The following PPFIA2 variants were observed in gnomAD, a reference collection of about 807,000 sequenced individuals.
PPFIA2 encodes the protein PPFI scaffold protein A2.
Under a neutral mutation model 175.5 loss-of-function variants are expected in PPFIA2, and 46 were observed. The observed-to-expected ratio is 0.26, with a 90% CI of 0.21 to 0.34. PPFIA2 has a LOEUF of 0.34. PPFIA2 is among the 10% of genes least tolerant of loss of function. PPFIA2 has a pLI of 1.00. For missense variants in PPFIA2, 1,179 were observed against 1,506.1 expected (o/e 0.78, Z 3.60); for synonymous variants, 568 against 511.4 (o/e 1.11, Z -1.49).
chr12:81,451,982 CT>C (rs1308353641), intron 5 of PPFIA2, among the ~76,000 whole-genome samples: 1 of 152,194 alleles, frequency 6.6e-6, no homozygotes, highest in East Asian at 1.9e-4. Flanking sequence ...ATGGAACTCT[CT>C]TTGGTATACT....
intron 4 of PPFIA2, among the ~76,000 whole-genome samples, chr12:81,507,547 T>C (rs2061312619): frequency 6.6e-6 from 1 of 152,190 alleles, no homozygotes; most frequent in Non-Finnish European, 1.5e-5. Context: ...AACTCTCAAT[T>C]AGCTCCTCTC....
At chr12:81,584,644 T>G (rs918051756) in intron 4 of PPFIA2, among the ~76,000 whole-genome samples, 2 of 150,770 alleles carry the variant, frequency 1.3e-5, no homozygotes, top group Admixed American at 1.3e-4. Context: ...CATAGCTTAC[T>G]GCTCCTAGGC....
chr12:81,518,831 T>G (rs934878918), intron 4 of PPFIA2, among the ~76,000 whole-genome samples: 3 of 152,198 alleles, frequency 2.0e-5, no homozygotes, highest in African/African-American at 7.2e-5. Context: ...AAGAGCTCAA[T>G]AAATATTTAC....
rs567077797 is a variant in PPFIA2 at position 81,570,861 on chromosome 12, G to A, written c.303+105930C>T. On this transcript the variant is annotated intron_variant, in intron 4 of 32. Coordinates refer to ENST00000549396, the MANE Select transcript of PPFIA2 (RefSeq NM_003625.5). ...TCATCCCATCATAGAAAGCCGGTTC[G>A]AAACTAACTGAAGATATGATCTCTT... 7.9e-5 allele frequency among the ~76,000 whole-genome samples: 12 copies of A among 151,778 alleles called. No individual in the cohort carries two copies. The East Asian group carries it at 9.7e-4, about 12-fold the overall frequency.
At chr12:81,721,545 C>T (rs1295002308) in intron 3 of PPFIA2, among the ~76,000 whole-genome samples, 2 of 151,192 alleles carry the variant, frequency 1.3e-5, no homozygotes, top group African/African-American at 4.8e-5. Flanking sequence ...TAGCTATCTG[C>T]TATTAAGACA....
In PPFIA2 at chr12:81,358,093, C is replaced by T. The variant is rs1341538540; in HGVS notation, c.1762G>A (p.Asp588Asn). ...PRRGRMGVRRDEPKVKSLGDH... is the reference protein window; with the variant it reads ...PRRGRMGVRRNEPKVKSLGDH... ...GTTAAAAGATTAACCTTTGGCTCATCTCTTCGCACACCCATGCGGCCTCTC... is the reference window on the plus strand; with the variant it reads ...GTTAAAAGATTAACCTTTGGCTCATTTCTTCGCACACCCATGCGGCCTCTC... The change falls in exon 16 of 33, where the codon GAT becomes AAT. Residue 588 changes from aspartate (D) to asparagine (N), a missense_variant. Coordinates refer to ENST00000549396, the MANE Select transcript of PPFIA2 (RefSeq NM_003625.5). 6.2e-7 allele frequency: 1 copy of T among 1,600,440 alleles called. No individual in the cohort carries two copies. Among genetic ancestry groups the T allele is most frequent in the Admixed American group, 1.7e-5 (1 of 57,662 alleles).
intron 4 of PPFIA2, among the ~76,000 whole-genome samples, chr12:81,506,740 T>C (rs2061213939): frequency 6.6e-6 from 1 of 152,232 alleles, no homozygotes; most frequent in African/African-American, 2.4e-5. Context: ...GAAACCTTTA[T>C]TTCTGCAAAG....
chr12:81,449,107 A>G (rs2051902018), intron 5 of PPFIA2, among the ~76,000 whole-genome samples: 1 of 152,176 alleles, frequency 6.6e-6, no homozygotes, highest in Non-Finnish European at 1.5e-5. Context: ...ATATCAGCCT[A>G]TTTCCCTTGC....
chr12:81,642,826 G>GTA (rs1296821631), intron 4 of PPFIA2, among the ~76,000 whole-genome samples: 1 of 110,236 alleles, frequency 9.1e-6, no homozygotes, highest in African/African-American at 3.4e-5. Context: ...ACATGTATAT[G>GTA]TATGTATGTA....
intron 15 of PPFIA2, among the ~76,000 whole-genome samples, chr12:81,361,325 C>T (rs569215818): frequency 6.6e-6 from 1 of 151,678 alleles, no homozygotes; most frequent in Admixed American, 6.6e-5. Flanking sequence ...AGTTCTTCTC[C>T]TTCTCCTTCT....
chr12:81,616,050 T>C (rs937717996), intron 4 of PPFIA2, among the ~76,000 whole-genome samples: 60 of 152,092 alleles, frequency 3.9e-4, no homozygotes, highest in African/African-American at 1.3e-3. Flanking sequence ...ATTGTGGTGA[T>C]GGGAGTCTGT....
intron 26 of PPFIA2, chr12:81,282,770 A>G (rs2042367698): frequency 6.3e-6 from 2 of 319,750 alleles, no homozygotes; most frequent in South Asian, 1.1e-4. Context: ...TTTGAGAAAG[A>G]AAGAAAAGTA....
Position 81,693,054 on chromosome 12 carries a change from A to G in PPFIA2, c.250-16210T>C, listed in dbSNP as rs193205831. On this transcript the variant is annotated intron_variant, in intron 3 of 32. Transcript: ENST00000549396. Reference sequence around the variant, plus strand: ...TTTTAAACCTGAAATACTTTCTAACATAAGTACTCCTTAGTCAATATCTCT... The same window carrying G: ...TTTTAAACCTGAAATACTTTCTAACGTAAGTACTCCTTAGTCAATATCTCT... Among the ~76,000 whole-genome samples, 615 of 152,270 alleles carry G rather than the reference A, an allele frequency of 4.0e-3. 2 individuals are homozygous for G. The highest frequency in any genetic ancestry group is 0.014 in the Middle Eastern group (4 of 294).
At chr12:81,581,767 AT>A in intron 4 of PPFIA2, among the ~76,000 whole-genome samples, 1 of 151,592 alleles carries the variant, frequency 6.6e-6, no homozygotes, top group Non-Finnish European at 1.5e-5. Context: ...CAACCCTGAT[AT>A]TTTTGGTTTT....
chr12:81,372,619 T>C (rs1291801823), intron 11 of PPFIA2, among the ~76,000 whole-genome samples: 3 of 144,880 alleles, frequency 2.1e-5, no homozygotes, highest in African/African-American at 7.6e-5. Flanking sequence ...GGAAAAGGAA[T>C]GAAAGAGTGA....
At chr12:81,325,126 A>G (rs2054475847) in intron 22 of PPFIA2, among the ~76,000 whole-genome samples, 2 of 152,050 alleles carry the variant, frequency 1.3e-5, no homozygotes, top group Non-Finnish European at 2.9e-5. Context: ...ATAAAGAGAA[A>G]TTGATTTACA....
intron 22 of PPFIA2, among the ~76,000 whole-genome samples, chr12:81,308,683 A>C (rs2049966877): frequency 6.6e-6 from 1 of 152,178 alleles, no homozygotes; most frequent in Admixed American, 6.6e-5. Context: ...TTAATACATA[A>C]GGTCTTTACC....
chr12:81,402,700 CA>C (rs1419218559), intron 8 of PPFIA2, among the ~76,000 whole-genome samples: 1 of 151,794 alleles, frequency 6.6e-6, no homozygotes, highest in African/African-American at 2.4e-5. Flanking sequence ...CAAAAATTAC[CA>C]AAATTAGCCA....
At chr12:81,586,156 GAAA>G (rs2075279832) in intron 4 of PPFIA2, among the ~76,000 whole-genome samples, 1 of 151,872 alleles carries the variant, frequency 6.6e-6, no homozygotes, top group Admixed American at 6.6e-5. Context: ...TTATTTTGTA[GAAA>G]ACAACCAATA....
Sources: allele counts gnomAD v4.1 joint callset (sites outside exome capture counted in the v4.1 genomes callset), GRCh38; gene constraint gnomAD v4.1.1; transcripts MANE v1.5; gene names NCBI Gene and HGNC (gene_info 2026-07-23, HGNC 2026-07-21).